ADD3: variants seen among roughly 807,000 people sequenced by gnomAD.
The protein encoded by ADD3 is gamma-adducin.
In ADD3, 25 loss-of-function variants were observed where a neutral mutation model predicts 80.2. The observed-to-expected ratio is 0.31, with a 90% CI of 0.23 to 0.44. The LOEUF (loss-of-function observed/expected upper bound fraction) is 0.44. Ranked by LOEUF, ADD3 falls within the 20% of genes least tolerant of loss-of-function variation. The pLI is 1.00. For missense variants in ADD3, 829 were observed against 847.5 expected (o/e 0.98, Z 0.27); for synonymous variants, 284 against 289.6 (o/e 0.98, Z 0.20).
At chr10:110,080,765 A>G (rs1280305048) in intron 1 of ADD3, among the ~76,000 whole-genome samples, 1 of 152,194 alleles carries the variant, frequency 6.6e-6, no homozygotes, top group East Asian at 1.9e-4. Context: ...TAGCCCTTTA[A>G]TCCATCTCCT....
chr10:110,134,395 G>C lies in ADD3; in HGVS notation c.*777G>C, dbSNP rs1853441900. The C allele has an allele frequency of 6.6e-6, 1 of 152,172 alleles. No homozygotes were observed. Among genetic ancestry groups the C allele is most frequent in the Admixed American group, 6.6e-5 (1 of 15,242 alleles). The allele number at this position is 152,172 out of a possible 1,614,324, so 9.4% of individuals were successfully genotyped here. Reference sequence around the variant, plus strand: ...ACCGTTCAGTATAAAAGTGTCCTAAGCATATTAGCCAATCTTTTCACAGTA... The same window carrying C: ...ACCGTTCAGTATAAAAGTGTCCTAACCATATTAGCCAATCTTTTCACAGTA... On this transcript the variant is annotated 3_prime_UTR_variant, in exon 15 of 15. Transcript: ENST00000356080.
At chr10:110,112,098 T>G (rs936580900) in intron 2 of ADD3, 3 of 152,260 alleles carry the variant, frequency 2.0e-5, no homozygotes, top group Admixed American at 2.0e-4. Flanking sequence ...GTATTCAAAG[T>G]TGTGCCCCAT....
intron 12 of ADD3, among the ~76,000 whole-genome samples, chr10:110,127,278 T>C (rs183943124): frequency 6.6e-6 from 1 of 152,324 alleles, no homozygotes; most frequent in African/African-American, 2.4e-5. Context: ...CATTGGCTTA[T>C]TATTTGGGGT....
intron 1 of ADD3, among the ~76,000 whole-genome samples, chr10:110,052,875 C>G (rs1242589268): frequency 6.6e-6 from 1 of 152,108 alleles, no homozygotes; most frequent in African/African-American, 2.4e-5. Flanking sequence ...TTCCTTAGAG[C>G]TTTAAGAAAC....
At chr10:110,076,116 G>T (rs1291553757) in intron 1 of ADD3, among the ~76,000 whole-genome samples, 1 of 152,026 alleles carries the variant, frequency 6.6e-6, no homozygotes, top group Non-Finnish European at 1.5e-5. Flanking sequence ...CAATTACATA[G>T]TTTTTTATAT....
Position 110,041,207 on chromosome 10 carries a change from A to G in ADD3, c.-30+32908A>G, listed in dbSNP as rs1479472334. 3.3e-5 allele frequency among the ~76,000 whole-genome samples: 5 copies of G among 152,234 alleles called. No individual in the cohort carries two copies. The East Asian group carries it at 7.7e-4, about 23-fold the overall frequency. On this transcript the variant is annotated intron_variant, in intron 1 of 14. Coordinates refer to ENST00000356080, the MANE Select transcript of ADD3 (RefSeq NM_016824.5). Reference sequence around the variant, plus strand: ...AACATAGAGATCTGGAGCACAAGCTAGAAGTTTGACAGGACTGTAAATAAC... The same window carrying G: ...AACATAGAGATCTGGAGCACAAGCTGGAAGTTTGACAGGACTGTAAATAAC...
chr10:110,032,868 CTT>C (rs1294888718), intron 1 of ADD3, among the ~76,000 whole-genome samples: 4 of 152,098 alleles, frequency 2.6e-5, no homozygotes, highest in African/African-American at 7.2e-5. Flanking sequence ...CTACCAGAAA[CTT>C]TATCGAGAGG....
At chr10:110,015,666 G>A (rs978169303) in intron 1 of ADD3, among the ~76,000 whole-genome samples, 14 of 148,692 alleles carry the variant, frequency 9.4e-5, no homozygotes, top group African/African-American at 3.1e-4. Flanking sequence ...GAGCCACTGC[G>A]CCTGGCAGAA....
intron 12 of ADD3, among the ~76,000 whole-genome samples, chr10:110,128,049 A>ATTTT (rs71486096): frequency 2.8e-5 from 3 of 106,010 alleles, no homozygotes; most frequent in Non-Finnish European, 5.7e-5. Context: ...TTTGTTTAGG[A>ATTTT]TTTTTTTTTT....
chr10:110,101,519 C>T (rs1848807421), intron 2 of ADD3, among the ~76,000 whole-genome samples: 1 of 151,828 alleles, frequency 6.6e-6, no homozygotes, highest in Admixed American at 6.6e-5. Context: ...CATGTAGTCC[C>T]ATCTACTCCT....
chr10:110,066,157 T>C (rs1391722404), intron 1 of ADD3, among the ~76,000 whole-genome samples: 1 of 152,186 alleles, frequency 6.6e-6, no homozygotes, highest in Non-Finnish European at 1.5e-5. Flanking sequence ...CTCAAATCTT[T>C]GTGAGTGTAG....
intron 1 of ADD3, among the ~76,000 whole-genome samples, chr10:110,052,273 C>T (rs1355391398): frequency 1.3e-5 from 2 of 152,114 alleles, no homozygotes; most frequent in African/African-American, 2.4e-5. Flanking sequence ...ACCAAAGAAT[C>T]ACTGCTCATA....
At chr10:110,026,572 A>AC (rs1347207562) in intron 1 of ADD3, among the ~76,000 whole-genome samples, 1 of 151,978 alleles carries the variant, frequency 6.6e-6, no homozygotes, top group African/African-American at 2.4e-5. Flanking sequence ...GAGCCACCAC[A>AC]CCCGGCTGAT....
At chr10:110,059,747 T>G (rs1589922321) in intron 1 of ADD3, among the ~76,000 whole-genome samples, 1 of 152,150 alleles carries the variant, frequency 6.6e-6, no homozygotes, top group African/African-American at 2.4e-5. Context: ...CCAGCCTGGG[T>G]GACAGAGCGA....
At chr10:110,069,790 T>C (rs1325865386) in intron 1 of ADD3, among the ~76,000 whole-genome samples, 1 of 152,244 alleles carries the variant, frequency 6.6e-6, no homozygotes, top group Admixed American at 6.5e-5. Context: ...CATTGGTTAA[T>C]GCAGTGTAAG....
intron 1 of ADD3, among the ~76,000 whole-genome samples, chr10:110,018,277 C>T (rs1295201272): frequency 6.6e-6 from 1 of 152,052 alleles, no homozygotes; most frequent in East Asian, 1.9e-4. Context: ...CCTGTAATCC[C>T]AGCACTTTGG....
At chr10:110,106,820 G>T (rs1051513280) in intron 2 of ADD3, among the ~76,000 whole-genome samples, 1 of 152,068 alleles carries the variant, frequency 6.6e-6, no homozygotes, top group Non-Finnish European at 1.5e-5. Flanking sequence ...TTGAGTTGAA[G>T]AATTAAATGG....
Position 110,126,428 on chromosome 10 carries a change from A to G in ADD3, c.1533A>G (p.Gln511=). Residue 511 remains glutamine, a synonymous_variant, in exon 12 of 15, where the codon CAA becomes CAG. Transcript: ENST00000356080. ...VLEKRNKIRE[Q]NRYDLKTAGP... ...GTTTTTCAATTCAGATTCGGGAACAAAATCGATATGACTTGAAAACAGCAG... is the reference window on the plus strand; with the variant it reads ...GTTTTTCAATTCAGATTCGGGAACAGAATCGATATGACTTGAAAACAGCAG... 6.2e-7 allele frequency: 1 copy of G among 1,613,506 alleles called. No individual in the cohort carries two copies. The highest frequency in any genetic ancestry group is 8.5e-7 in the Non-Finnish European group (1 of 1,179,852).
chr10:110,100,219 A>G (rs1270694405), intron 1 of ADD3, among the ~76,000 whole-genome samples: 1 of 152,002 alleles, frequency 6.6e-6, no homozygotes, highest in Non-Finnish European at 1.5e-5. Context: ...GCATGGTGGC[A>G]CGCGCCTGTA....
Sources: gnomAD v4.1 joint callset for allele counts (sites outside exome capture counted in the v4.1 genomes callset) on GRCh38, gnomAD v4.1.1 for gene constraint, MANE v1.5 for transcripts, NCBI Gene and HGNC (gene_info 2026-07-23, HGNC 2026-07-21) for gene names.